Variants in RGSL1 observed in about 807,000 individuals in gnomAD.
RGSL1 encodes regulator of G protein signaling protein-like.
In RGSL1, 97 loss-of-function variants were observed where a neutral mutation model predicts 124.7. The observed-to-expected ratio is 0.78, with a 90% CI of 0.66 to 0.92. The LOEUF (loss-of-function observed/expected upper bound fraction) is 0.92, where lower values mean the gene tolerates loss of function less well. Ranked by LOEUF, RGSL1 falls within the 40% of genes least tolerant of loss-of-function variation. The probability of loss-of-function intolerance (pLI) is 0.00; values close to 1 mark genes in which losing one functional copy is unlikely to be tolerated. For synonymous variants in RGSL1, 424 were observed against 438.1 expected (o/e 0.97, Z 0.40); for missense variants, 1,233 against 1,288.4 (o/e 0.96, Z 0.66).
intron 20 of RGSL1, chr1:182,554,915 T>C (rs986922685): frequency 1.0e-4 from 55 of 547,728 alleles, no homozygotes; most frequent in Non-Finnish European, 1.5e-4. Flanking sequence ...TTTTAAGAAG[T>C]TGGAGTCTCT....
At chr1:182,537,748 C>T (rs1371931613) in intron 14 of RGSL1, among the ~76,000 whole-genome samples, 11 of 150,908 alleles carry the variant, frequency 7.3e-5, no homozygotes, top group Admixed American at 7.3e-4. Flanking sequence ...TGGAAACAGG[C>T]ACTATTTCTG....
intron 2 of RGSL1, among the ~76,000 whole-genome samples, chr1:182,454,462 T>G (rs1334190510): frequency 6.6e-6 from 1 of 152,170 alleles, no homozygotes; most frequent in African/African-American, 2.4e-5. Flanking sequence ...TCTTAAATAC[T>G]CTTCAAATCT....
rs564776906 is a variant in RGSL1, at chr1:182,458,857, G to A, written c.171+464G>A. On this transcript the variant is annotated intron_variant, in intron 3 of 21. Transcript: ENST00000294854. ...AACTATAGGAGAAACTGTAAAGCAG[G>A]TGAGTAGAACAGACAGCATCAATCC... is the stretch of plus-strand genomic sequence containing the variant. Among the ~76,000 whole-genome samples, 7 of 152,336 alleles carry A rather than the reference G, an allele frequency of 4.6e-5. No individual in the cohort carries two copies. The South Asian group carries it at 1.4e-3, about 32-fold the overall frequency.
chr1:182,525,215 T>C (rs1658653612), intron 10 of RGSL1, among the ~76,000 whole-genome samples: 1 of 151,956 alleles, frequency 6.6e-6, no homozygotes, highest in Non-Finnish European at 1.5e-5. Flanking sequence ...AAATTCAACT[T>C]TAAACAAAAA....
In RGSL1 at chr1:182,474,073, A is replaced by G. The variant is rs1654079047; in HGVS notation, c.962A>G (p.Glu321Gly). ...DMHYAKISSMENKAKSHLHME... is the reference protein window; with the variant it reads ...DMHYAKISSMGNKAKSHLHME... ...CATTATGCAAAAATATCCAGCATGG[A>G]GAATAAAGCCAAGAGCCACCTCCAC... is the stretch of plus-strand genomic sequence containing the variant. Residue 321 changes from glutamate (E) to glycine (G), a missense_variant, in exon 6 of 22, where the codon GAG becomes GGG. Coordinates refer to ENST00000294854, the MANE Select transcript of RGSL1 (RefSeq NM_001137669.2). 16 of 1,551,672 alleles carry G rather than the reference A, an allele frequency of 1.0e-5. No individual in the cohort carries two copies. The highest frequency in any genetic ancestry group is 1.4e-5 in the Non-Finnish European group (16 of 1,147,020).
At chr1:182,553,610 G>T in intron 19 of RGSL1, 69 bp downstream of exon 19, 1 of 1,354,454 alleles carries the variant, frequency 7.4e-7, no homozygotes, top group African/African-American at 1.4e-5. Context: ...AACCAGCTTG[G>T]CCAATCCCCT....
intron 18 of RGSL1, among the ~76,000 whole-genome samples, chr1:182,551,522 T>A (rs1660564017): frequency 6.6e-6 from 1 of 152,232 alleles, no homozygotes; most frequent in Non-Finnish European, 1.5e-5. Flanking sequence ...AGCCCCCTGC[T>A]CTATCTCCAT....
At chr1:182,553,006 G>A (rs1354351610) in intron 18 of RGSL1, among the ~76,000 whole-genome samples, 1 of 152,188 alleles carries the variant, frequency 6.6e-6, no homozygotes, top group Non-Finnish European at 1.5e-5. Flanking sequence ...CTGGGTTCAA[G>A]CAATTCTCCT....
intron 6 of RGSL1, among the ~76,000 whole-genome samples, chr1:182,475,087 G>A (rs1654185162): frequency 6.6e-6 from 1 of 152,312 alleles, no homozygotes; most frequent in South Asian, 2.1e-4. Flanking sequence ...TGGAGGTGGG[G>A]AGTGGTTGAT....
chr1:182,477,791 A>C (rs1469669627), intron 6 of RGSL1, among the ~76,000 whole-genome samples: 1 of 152,190 alleles, frequency 6.6e-6, no homozygotes, highest in Admixed American at 6.5e-5. Flanking sequence ...CCAGCTAACC[A>C]GCCCAGAATC....
chr1:182,514,302 C>T (rs1396521727), intron 9 of RGSL1, among the ~76,000 whole-genome samples: 3 of 152,262 alleles, frequency 2.0e-5, no homozygotes, highest in South Asian at 2.1e-4. Context: ...CTGAAAGTGT[C>T]CCCTCTTCCA....
Position 182,493,037 on chromosome 1 carries a change from C to A in RGSL1, c.1733C>A (p.Ser578Tyr). 1.9e-6 allele frequency: 3 copies of A among 1,550,446 alleles called. No individual in the cohort carries two copies. The highest frequency in any genetic ancestry group is 2.6e-6 in the Non-Finnish European group (3 of 1,145,724). ...PVFLTDITKM[S>Y]FEELCYKNPK... The stretch of plus-strand genomic sequence containing the variant: ...TACTTCACAGACATAACTAAAATGT[C>A]CTTTGAGGAGCTTTGCTACAAGAAC... Residue 578 changes from serine to tyrosine, a missense_variant, in exon 9 of 22, where the codon TCC becomes TAC. Transcript: ENST00000294854.
intron 9 of RGSL1, among the ~76,000 whole-genome samples, chr1:182,493,627 G>A (rs1197908907): frequency 1.3e-5 from 2 of 152,322 alleles, no homozygotes; most frequent in South Asian, 2.1e-4. Flanking sequence ...CCCTCAGTGA[G>A]GTAAGAAATT....
At chr1:182,549,647 A>C (rs1394751177) in intron 17 of RGSL1, 1 of 152,218 alleles carries the variant, frequency 6.6e-6, no homozygotes, top group Non-Finnish European at 1.5e-5. Context: ...CAGGACACTT[A>C]GATTATCATG....
intron 9 of RGSL1, among the ~76,000 whole-genome samples, chr1:182,511,463 C>T (rs148479677): frequency 1.1e-4 from 17 of 152,308 alleles, no homozygotes; most frequent in Admixed American, 2.0e-4. Flanking sequence ...TGAGCCACCG[C>T]GCCTGTCCAG....
intron 1 of RGSL1, among the ~76,000 whole-genome samples, chr1:182,451,609 C>T (rs982091030): frequency 3.3e-5 from 5 of 150,602 alleles, no homozygotes; most frequent in Non-Finnish European, 5.9e-5. Context: ...AGGCAGAGTG[C>T]GCAGAGAGGC....
At chr1:182,524,826 G>T (rs566548934) in intron 10 of RGSL1, among the ~76,000 whole-genome samples, 1 of 152,312 alleles carries the variant, frequency 6.6e-6, no homozygotes, top group South Asian at 2.1e-4. Flanking sequence ...AGTGATACTA[G>T]TTGAGCAAGC....
chr1:182,463,031 T>C lies in RGSL1; in HGVS notation c.301+2898T>C, dbSNP rs888282559. ...ACTTCAGGCTGGGCGTGGTGGCTCA[T>C]GCCTGTAATCCCAGAACTTTGGAAG... On this transcript the variant is annotated intron_variant, in intron 4 of 21. Transcript: ENST00000294854. Among the ~76,000 whole-genome samples the C allele has an allele frequency of 2.6e-5, 4 of 152,182 alleles. 1 individual carries two copies. Among genetic ancestry groups the C allele is most frequent in the Non-Finnish European group, 4.4e-5 (3 of 68,022 alleles).
At chr1:182,470,309 T>C (rs1246661209) in intron 4 of RGSL1, among the ~76,000 whole-genome samples, 1 of 152,074 alleles carries the variant, frequency 6.6e-6, no homozygotes, top group African/African-American at 2.4e-5. Context: ...TCAACACCCC[T>C]ACAGTGACCT....
Sources: allele counts gnomAD v4.1 joint callset (sites outside exome capture counted in the v4.1 genomes callset), GRCh38; gene constraint gnomAD v4.1.1; transcripts MANE v1.5; gene names NCBI Gene and HGNC (gene_info 2026-07-23, HGNC 2026-07-21).